KLF8: variants seen among roughly 807,000 people sequenced by gnomAD.
The protein encoded by KLF8 is KLF transcription factor 8.
A neutral mutation model predicts 18.2 loss-of-function variants in KLF8; 10 were observed. The ratio of observed to expected loss-of-function variants is 0.55; its 90% CI spans 0.34 to 0.93. The LOEUF is 0.93. Among genes scored for constraint, KLF8 ranks in the 40% least tolerant of loss-of-function variants. KLF8 has a pLI of 0.02. For synonymous variants in KLF8, 109 were observed against 97.3 expected (o/e 1.12, Z -0.71); for missense variants, 264 against 277.9 (o/e 0.95, Z 0.36).
chrX:56,051,165 T>C, the KLF8 span, among the ~76,000 whole-genome samples: 1 of 111,668 alleles, frequency 9.0e-6, no homozygotes, highest in Admixed American at 9.6e-5. Context: ...TGTGTGTCTC[T>C]GTACGTGAGA....
At chrX:56,266,729 T>C in intron 3 of KLF8, 4 of 753,840 alleles carry the variant, frequency 5.3e-6, no homozygotes, top group Non-Finnish European at 6.3e-6. Flanking sequence ...AGGCTGATAA[T>C]GTTTTGCATA....
chrX:56,237,684 CAAT>C (rs2066494427), intron 1 of KLF8, among the ~76,000 whole-genome samples: 1 of 111,685 alleles, frequency 9.0e-6, no homozygotes, highest in Admixed American at 9.6e-5. Context: ...TTTGTAATAA[CAAT>C]AAAAACTTTT....
the KLF8 span, among the ~76,000 whole-genome samples, chrX:55,927,729 CATTT>C: frequency 8.9e-6 from 1 of 111,958 alleles, no homozygotes; most frequent in Non-Finnish European, 1.9e-5. Context: ...TCTGTTCATT[CATTT>C]GCCTTTTTAT....
chrX:56,047,314 G>C, the KLF8 span, among the ~76,000 whole-genome samples: 1 of 108,977 alleles, frequency 9.2e-6, no homozygotes, highest in East Asian at 2.9e-4. Flanking sequence ...TGTGCACAAT[G>C]TGCAGGTTTG....
chrX:56,196,030 G>C, the KLF8 span, among the ~76,000 whole-genome samples: 2 of 111,281 alleles, frequency 1.8e-5, no homozygotes, highest in Non-Finnish European at 3.8e-5. Context: ...ACAAGCAGAT[G>C]CTGAGAGATT....
chrX:55,934,908 T>C, the KLF8 span, among the ~76,000 whole-genome samples: 1 of 111,679 alleles, frequency 9.0e-6, no homozygotes, highest in Non-Finnish European at 1.9e-5. Context: ...CACAGTAACC[T>C]GGTTTTGTTG....
intron 1 of KLF8, 46 bp from the exon 2 acceptor site, chrX:56,250,185 G>T: frequency 1.0e-6 from 1 of 976,934 alleles, no homozygotes. Context: ...CATATAGTGG[G>T]TTAGATTTTA....
the KLF8 span, among the ~76,000 whole-genome samples, chrX:56,220,198 C>T: frequency 8.9e-6 from 1 of 111,923 alleles, no homozygotes; most frequent in South Asian, 3.8e-4. Context: ...AATATATATT[C>T]CTATTCCCTA....
chrX:56,027,809 G>A, the KLF8 span, among the ~76,000 whole-genome samples: 2 of 112,774 alleles, frequency 1.8e-5, no homozygotes, highest in African/African-American at 6.4e-5. Flanking sequence ...CTGGGAGCAA[G>A]GTGGAAGGAT....
chrX:56,113,221 T>G, the KLF8 span, among the ~76,000 whole-genome samples: 1 of 108,209 alleles, frequency 9.2e-6, no homozygotes, highest in Non-Finnish European at 1.9e-5. Context: ...AAAAAGACAG[T>G]CTTTGTCTAG....
At position 56,270,310 on chromosome X, in the gene KLF8, G is replaced by A. The variant is rs774267049; in HGVS notation, c.887G>A (p.Arg296Lys). 38 of 1,186,820 alleles carry A rather than the reference G, an allele frequency of 3.2e-5. No individual in the cohort carries two copies. Among genetic ancestry groups the A allele is most frequent in the Non-Finnish European group, 4.3e-5 (38 of 883,819 alleles). ...TKSSHLKAHR[R>K]IHTGEKPYKC... Reference sequence around the variant, plus strand: ...AGCTCTCACCTGAAAGCTCACCGCAGAATCCATACAGGTCTGCCCACTCCC... The same window carrying A: ...AGCTCTCACCTGAAAGCTCACCGCAAAATCCATACAGGTCTGCCCACTCCC... Residue 296 changes from arginine to lysine, a missense_variant, in exon 5 of 6, where the codon AGA becomes AAA. This residue lies in a region of KLF8 where 43 missense variants were observed against 84.3 expected (regional missense o/e 0.51). Transcript: ENST00000468660.
At chrX:55,994,005 G>T in the KLF8 span, among the ~76,000 whole-genome samples, 3 of 107,706 alleles carry the variant, frequency 2.8e-5, no homozygotes, top group African/African-American at 1.0e-4. Context: ...CCGCCTCCCG[G>T]GTTCAAGAGA....
chrX:56,207,867 C>A, the KLF8 span, among the ~76,000 whole-genome samples: 1 of 110,424 alleles, frequency 9.1e-6, no homozygotes, highest in Non-Finnish European at 1.9e-5. Flanking sequence ...AAAGACATAC[C>A]CAAGACTGGG....
At chrX:56,177,638 G>T in the KLF8 span, among the ~76,000 whole-genome samples, 1 of 111,779 alleles carries the variant, frequency 8.9e-6, no homozygotes, top group East Asian at 2.9e-4. Context: ...CTGTCAGACA[G>T]GGACATTTAA....
chrX:56,158,791 G>A, the KLF8 span, among the ~76,000 whole-genome samples: 2 of 111,871 alleles, frequency 1.8e-5, no homozygotes, highest in African/African-American at 6.5e-5. Flanking sequence ...TTTGGGCTGA[G>A]ACAATGGGGT....
At chrX:55,971,664 A>G in the KLF8 span, among the ~76,000 whole-genome samples, 1 of 111,107 alleles carries the variant, frequency 9.0e-6, no homozygotes, top group Non-Finnish European at 1.9e-5. Context: ...CCCATATGAC[A>G]AGGGATTAAT....
At chrX:55,974,905 T>C in the KLF8 span, among the ~76,000 whole-genome samples, 1 of 112,469 alleles carries the variant, frequency 8.9e-6, no homozygotes, top group Non-Finnish European at 1.9e-5. Flanking sequence ...TGCAAGTTTT[T>C]GTGTCCTCTT....
chrX:56,006,784 A>G, the KLF8 span, among the ~76,000 whole-genome samples: 1 of 112,335 alleles, frequency 8.9e-6, no homozygotes, highest in East Asian at 2.8e-4. Context: ...CTTCCATTCT[A>G]CAGGTTGTCT....
chrX:55,921,136 A>G, the KLF8 span, among the ~76,000 whole-genome samples: 1 of 112,540 alleles, frequency 8.9e-6, no homozygotes, highest in African/African-American at 3.2e-5. Context: ...GCATCTGACA[A>G]AGGTCTAATA....
Sources: allele counts gnomAD v4.1 joint callset (sites outside exome capture counted in the v4.1 genomes callset), GRCh38; gene constraint gnomAD v4.1.1; regional missense constraint gnomAD v4.1.1; transcripts MANE v1.5; gene names NCBI Gene and HGNC (gene_info 2026-07-23, HGNC 2026-07-21).